The following MIDEAS variants were observed in gnomAD, a reference collection of about 807,000 sequenced individuals.
The protein encoded by MIDEAS is mitotic deacetylase associated SANT domain protein.
MIDEAS carries 26 observed loss-of-function variants against 102.7 expected under a neutral mutation model. The ratio of observed to expected loss-of-function variants is 0.25; its 90% CI spans 0.19 to 0.35. The LOEUF (loss-of-function observed/expected upper bound fraction) is 0.35, where lower values mean the gene tolerates loss of function less well. Among genes scored for constraint, MIDEAS ranks in the 10% least tolerant of loss-of-function variants. The pLI is 1.00. For missense variants in MIDEAS, 1,231 were observed against 1,435.6 expected (o/e 0.86, Z 2.30); for synonymous variants, 585 against 591.0 (o/e 0.99, Z 0.15).
rs1458470041 is a variant in MIDEAS at position 73,716,618 on chromosome 14, G to A, written c.*2225C>T. On this transcript the variant is annotated 3_prime_UTR_variant, in exon 13 of 13. Coordinates refer to ENST00000423556, the MANE Select transcript of MIDEAS (RefSeq NM_001367710.1). ...GAATTCTTTTAACCCAAGAGGCGGA[G>A]GTTGCAGTGAGCCAAGATCACACCA... 2 of 148,656 alleles carry A rather than the reference G, an allele frequency of 1.3e-5. No homozygotes were observed. Among genetic ancestry groups the A allele is most frequent in the African/African-American group, 5.0e-5 (2 of 39,822 alleles). 9.2% of individuals were successfully genotyped at this position (148,656 alleles called of 1,614,324 possible).
At chr14:73,767,912 A>G (rs566918306) in intron 1 of MIDEAS, among the ~76,000 whole-genome samples, 3 of 150,650 alleles carry the variant, frequency 2.0e-5, no homozygotes, top group East Asian at 2.0e-4. Flanking sequence ...TAATCCCAAC[A>G]CTCTGGGAGG....
At chr14:73,783,607 G>A (rs914536941) in intron 1 of MIDEAS, among the ~76,000 whole-genome samples, 1 of 152,190 alleles carries the variant, frequency 6.6e-6, no homozygotes, top group African/African-American at 2.4e-5. Flanking sequence ...AGATTACAGA[G>A]CAGGCCTTTA....
At chr14:73,780,928 TTTTTTTTG>T (rs2053749479) in intron 1 of MIDEAS, among the ~76,000 whole-genome samples, 1 of 129,576 alleles carries the variant, frequency 7.7e-6, no homozygotes, top group South Asian at 2.7e-4. Context: ...TCACCCCTAG[TTTTTTTTG>T]TTTTTTTGTT....
At chr14:73,732,236 C>T (rs1269969213) in intron 3 of MIDEAS, among the ~76,000 whole-genome samples, 1 of 152,186 alleles carries the variant, frequency 6.6e-6, no homozygotes, top group Non-Finnish European at 1.5e-5. Context: ...GGCATGCAGG[C>T]CAACTCTCCA....
At chr14:73,775,856 C>T (rs2053684078) in intron 1 of MIDEAS, among the ~76,000 whole-genome samples, 1 of 151,890 alleles carries the variant, frequency 6.6e-6, no homozygotes, top group African/African-American at 2.4e-5. Flanking sequence ...GGAAACTGGG[C>T]AGGATGTGAC....
intron 1 of MIDEAS, among the ~76,000 whole-genome samples, chr14:73,786,679 T>C (rs1317895142): frequency 1.3e-5 from 2 of 152,248 alleles, no homozygotes; most frequent in Non-Finnish European, 2.9e-5. Flanking sequence ...TTTAACTTCC[T>C]TCCTGCGCCC....
chr14:73,785,508 A>C (rs2053798804), intron 1 of MIDEAS, among the ~76,000 whole-genome samples: 1 of 152,202 alleles, frequency 6.6e-6, no homozygotes, highest in Non-Finnish European at 1.5e-5. Flanking sequence ...TTTGCCCAGC[A>C]CAATAAAGGA....
chr14:73,723,607 G>C (rs2053024522), intron 9 of MIDEAS: 1 of 152,232 alleles, frequency 6.6e-6, no homozygotes, highest in African/African-American at 2.4e-5. Context: ...CAGAGAACAA[G>C]AGAGAGCTGT....
intron 1 of MIDEAS, among the ~76,000 whole-genome samples, chr14:73,780,944 G>T (rs28735048): frequency 0.45 from 67,661 of 150,292 alleles, 15,269 homozygotes; most frequent in East Asian, 0.72. Context: ...TTGTTTTTTT[G>T]TTGTTGTTGT....
chr14:73,749,978 C>A (rs1190987736), intron 1 of MIDEAS, among the ~76,000 whole-genome samples: 2 of 152,178 alleles, frequency 1.3e-5, no homozygotes, highest in South Asian at 2.1e-4. Flanking sequence ...GATGGAGAGG[C>A]CTTTGGGATT....
intron 1 of MIDEAS, among the ~76,000 whole-genome samples, chr14:73,771,193 G>C (rs1301689430): frequency 2.6e-5 from 4 of 152,162 alleles, no homozygotes; most frequent in Non-Finnish European, 1.5e-5. Context: ...CCAGCCACAA[G>C]GTCCTACTTC....
At chr14:73,738,477 AG>A in intron 2 of MIDEAS, 82 bp downstream of exon 2, 7 of 1,425,758 alleles carry the variant, frequency 4.9e-6, no homozygotes, top group Non-Finnish European at 6.5e-6. Context: ...GGCTTTCCCT[AG>A]GCAAGAAGCA....
intron 9 of MIDEAS, chr14:73,723,052 ATAAG>A (rs2053016965): frequency 2.0e-6 from 1 of 487,970 alleles, no homozygotes; most frequent in South Asian, 2.9e-5. Context: ...ACTATTTAAA[ATAAG>A]TAAATAAATA....
intron 4 of MIDEAS, 120 bp downstream of exon 4, chr14:73,729,520 G>C: frequency 1.2e-6 from 1 of 827,954 alleles, no homozygotes; most frequent in Non-Finnish European, 1.8e-6. Context: ...AGAAGACAGA[G>C]CAGAGCTCCT....
chr14:73,734,879 G>C (rs368939153), intron 3 of MIDEAS, among the ~76,000 whole-genome samples: 1 of 152,188 alleles, frequency 6.6e-6, no homozygotes, highest in Non-Finnish European at 1.5e-5. Flanking sequence ...AGAGCAGTAT[G>C]CAAGAATATA....
chr14:73,785,673 C>T (rs1186225989), intron 1 of MIDEAS, among the ~76,000 whole-genome samples: 1 of 152,162 alleles, frequency 6.6e-6, no homozygotes. Flanking sequence ...ACAGCTTTCC[C>T]GTTTAGAGAG....
At chr14:73,779,381 C>T (rs1307103147) in intron 1 of MIDEAS, among the ~76,000 whole-genome samples, 1 of 120,072 alleles carries the variant, frequency 8.3e-6, no homozygotes, top group Non-Finnish European at 1.7e-5. Context: ...GACGACAGAG[C>T]ACGATTCCAT....
At position 73,739,855 on chromosome 14, in the gene MIDEAS, G is replaced by A. The variant is rs542418861; in HGVS notation, c.154C>T (p.Pro52Ser). The A allele has an allele frequency of 1.2e-5, 19 of 1,598,796 alleles. No individual in the cohort carries two copies. In the South Asian group the frequency reaches 2.0e-4, roughly 17 times the overall value. ...TGAGAGGTGGAGACTGCCCCTCCTG[G>A]ACCCTCGTGCCCGAGGTACTGCTCC... ...KEEQYLGHEGPGGAVSTSQPV... is the reference protein window; with the variant it reads ...KEEQYLGHEGSGGAVSTSQPV... The change falls in exon 2 of 13, where the codon CCA becomes TCA. Residue 52 changes from proline (P) to serine (S), a missense_variant. By Grantham distance (74) the Pro-to-Ser change is moderately conservative. Coordinates refer to ENST00000423556, the MANE Select transcript of MIDEAS (RefSeq NM_001367710.1).
intron 1 of MIDEAS, among the ~76,000 whole-genome samples, chr14:73,747,643 G>C (rs1185171036): frequency 6.6e-6 from 1 of 150,444 alleles, no homozygotes; most frequent in Non-Finnish European, 1.5e-5. Context: ...AAACCTCAGT[G>C]TGTGCAATAA....
Sources: allele counts gnomAD v4.1 joint callset (sites outside exome capture counted in the v4.1 genomes callset), GRCh38; gene constraint gnomAD v4.1.1; transcripts MANE v1.5; gene names NCBI Gene and HGNC (gene_info 2026-07-23, HGNC 2026-07-21).